Variants in PUM1 observed in about 807,000 individuals in gnomAD.
PUM1 encodes pumilio homolog 1.
A neutral mutation model predicts 131.8 loss-of-function variants in PUM1; 13 were observed. That is an observed-to-expected ratio of 0.10 (90% CI 0.06 to 0.16). The LOEUF (loss-of-function observed/expected upper bound fraction) is 0.16, where lower values mean the gene tolerates loss of function less well. Among genes scored for constraint, PUM1 ranks in the 10% least tolerant of loss-of-function variants. The pLI is 1.00. For synonymous variants in PUM1, 509 were observed against 556.5 expected, an observed-to-expected ratio of 0.91 and a Z score of 1.20; for missense variants, 961 against 1,512.4, an observed-to-expected ratio of 0.64 and a Z score of 6.05.
intron 7 of PUM1, among the ~76,000 whole-genome samples, chr1:30,992,119 A>C (rs1557574197): frequency 1.3e-5 from 2 of 152,222 alleles, no homozygotes; most frequent in Non-Finnish European, 2.9e-5. Flanking sequence ...ACAAGAGGCA[A>C]TACTACCTCA....
intron 20 of PUM1, among the ~76,000 whole-genome samples, chr1:30,938,879 A>T (rs1201669163): frequency 1.3e-5 from 1 of 78,302 alleles, no homozygotes; most frequent in Non-Finnish European, 2.4e-5. Context: ...ATAGATAGAG[A>T]TAGATAGATA....
At chr1:31,039,221 AAT>A (rs201343409) in intron 2 of PUM1, among the ~76,000 whole-genome samples, 34 of 147,368 alleles carry the variant, frequency 2.3e-4, no homozygotes, top group Admixed American at 6.8e-4. Context: ...ACAAAAAAAA[AAT>A]TTTTTTTTTT....
intron 4 of PUM1, 57 bp from the exon 5 acceptor site, chr1:31,006,088 G>A: frequency 7.0e-7 from 1 of 1,426,088 alleles, no homozygotes; most frequent in Non-Finnish European, 9.4e-7. Flanking sequence ...AACAAATTAT[G>A]AGTGATGTCT....
At chr1:30,965,924 G>T in intron 13 of PUM1, 58 bp downstream of exon 13, 1 of 1,523,392 alleles carries the variant, frequency 6.6e-7, no homozygotes, top group Non-Finnish European at 8.9e-7. Flanking sequence ...CAGTATTCCA[G>T]AAGGATTGTA....
chr1:31,033,268 G>A (rs765940308), intron 2 of PUM1, among the ~76,000 whole-genome samples: 7 of 150,538 alleles, frequency 4.6e-5, no homozygotes, highest in Non-Finnish European at 1.0e-4. Flanking sequence ...GCAGTGGTGC[G>A]ATCTCACCTC....
At chr1:31,006,731 C>T (rs989792739) in intron 4 of PUM1, among the ~76,000 whole-genome samples, 2 of 152,190 alleles carry the variant, frequency 1.3e-5, no homozygotes, top group East Asian at 1.9e-4. Context: ...CAGAACAAAA[C>T]GTTACAGCTG....
intron 18 of PUM1, 100 bp downstream of exon 18, chr1:30,945,246 G>C (rs1384596641): frequency 7.3e-7 from 1 of 1,367,124 alleles, no homozygotes; most frequent in East Asian, 2.3e-5. Flanking sequence ...AAAAAATAAA[G>C]TACATTAAGC....
chr1:30,976,240 T>C (rs1309794300), intron 9 of PUM1, among the ~76,000 whole-genome samples: 1 of 152,098 alleles, frequency 6.6e-6, no homozygotes, highest in African/African-American at 2.4e-5. Context: ...GTGGCAGAAA[T>C]CTAATTATAG....
At chr1:31,033,067 A>AG (rs1374606428) in intron 2 of PUM1, among the ~76,000 whole-genome samples, 1 of 152,090 alleles carries the variant, frequency 6.6e-6, no homozygotes, top group Non-Finnish European at 1.5e-5. Context: ...GAAAAAAAAA[A>AG]ACGTTATTTT....
At chr1:30,958,528 G>C (rs1640265998) in intron 14 of PUM1, among the ~76,000 whole-genome samples, 2 of 152,164 alleles carry the variant, frequency 1.3e-5, no homozygotes, top group South Asian at 4.1e-4. Context: ...GCAAAAAACT[G>C]TAAGCATGGA....
intron 3 of PUM1, among the ~76,000 whole-genome samples, chr1:31,010,366 A>G (rs185963202): frequency 6.6e-6 from 1 of 152,284 alleles, no homozygotes. Context: ...ACATGCCTCT[A>G]AGAAATAACA....
intron 5 of PUM1, among the ~76,000 whole-genome samples, chr1:30,998,220 A>AT (rs1272621348): frequency 2.6e-5 from 4 of 152,212 alleles, no homozygotes; most frequent in African/African-American, 9.6e-5. Context: ...AAGTTTACTT[A>AT]AAAGAAAAAA....
intron 7 of PUM1, among the ~76,000 whole-genome samples, chr1:30,982,340 A>G (rs1641387854): frequency 6.6e-6 from 1 of 152,354 alleles, no homozygotes; most frequent in East Asian, 1.9e-4. Context: ...CAATAAAACA[A>G]TACATAATCC....
intron 5 of PUM1, among the ~76,000 whole-genome samples, chr1:30,999,606 C>CAAAAAAAAAAAAAAAAAAAAA (rs56936440): frequency 1.9e-5 from 1 of 53,954 alleles, no homozygotes; most frequent in African/African-American, 6.9e-5. Context: ...GACTCTGTCT[C>CAAAAAAAAAAAAAAAAAAAAA]AAAAAAAAAA....
At chr1:31,061,068 C>G (rs981478225) in intron 1 of PUM1, among the ~76,000 whole-genome samples, 18 of 152,162 alleles carry the variant, frequency 1.2e-4, no homozygotes, top group Admixed American at 9.8e-4. Flanking sequence ...CAGTAACTTA[C>G]AACTATTAAC....
At chr1:30,936,861 A>G in intron 20 of PUM1, 26 bp from the exon 21 acceptor site, 1 of 1,556,978 alleles carries the variant, frequency 6.4e-7, no homozygotes, top group Non-Finnish European at 8.8e-7. Context: ...ACCAGGGACA[A>G]CTCTTACAAG....
intron 2 of PUM1, among the ~76,000 whole-genome samples, chr1:31,048,620 G>A (rs758111532): frequency 2.6e-5 from 4 of 151,342 alleles, no homozygotes; most frequent in Non-Finnish European, 4.4e-5. Flanking sequence ...GACTACAGGC[G>A]CGTGCCACCA....
rs1639226325 is a variant in PUM1, at chr1:30,936,797, G to A, written c.3281C>T (p.Thr1094Met). The change falls in exon 21 of 22, where the codon ACG becomes ATG. Residue 1094 changes from threonine (T) to methionine (M), a missense_variant. By Grantham distance (81) the Thr-to-Met change is moderately conservative. Transcript: ENST00000426105. ...CTCATCGATGAGCACAGCGCGCTCC[G>A]TACGTGAGGCGTGAGTAACACACTT... ...VEKCVTHASR[T>M]ERAVLIDEVC... 6 of 1,613,426 alleles carry A rather than the reference G, an allele frequency of 3.7e-6. No homozygotes were observed. Among genetic ancestry groups the A allele is most frequent in the Non-Finnish European group, 3.4e-6 (4 of 1,179,592 alleles).
intron 14 of PUM1, among the ~76,000 whole-genome samples, chr1:30,955,089 AC>A (rs1463040718): frequency 6.6e-6 from 1 of 151,610 alleles, no homozygotes; most frequent in Non-Finnish European, 1.5e-5. Flanking sequence ...AAACAAACAA[AC>A]AAAAAAAAAC....
Sources: gnomAD v4.1 joint callset for allele counts (sites outside exome capture counted in the v4.1 genomes callset) on GRCh38, gnomAD v4.1.1 for gene constraint, MANE v1.5 for transcripts, NCBI Gene and HGNC (gene_info 2026-07-23, HGNC 2026-07-21) for gene names.